CDH22: variants seen among roughly 807,000 people sequenced by gnomAD.
CDH22 encodes cadherin 22.
CDH22 carries 30 observed loss-of-function variants against 58.4 expected under a neutral mutation model. The ratio of observed to expected loss-of-function variants is 0.51; its 90% CI spans 0.38 to 0.70. The LOEUF is 0.70. CDH22 is among the 30% of genes least tolerant of loss of function. The probability of loss-of-function intolerance (pLI) is 0.00; values close to 1 mark genes in which losing one functional copy is unlikely to be tolerated. For missense variants in CDH22, 1,014 were observed against 1,233.9 expected (o/e 0.82, Z 2.67); for synonymous variants, 513 against 558.2 (o/e 0.92, Z 1.14).
rs761862351 is a variant in CDH22, at chr20:46,186,843, C to A, written c.1528G>T (p.Asp510Tyr). 4 of 1,607,030 alleles carry A rather than the reference C, an allele frequency of 2.5e-6. No individual in the cohort carries two copies. In the African/African-American group the frequency reaches 4.0e-5, roughly 16 times the overall value. ...ATPYEAAVCE[D>Y]AKPGQLIQTI... is the part of the protein sequence containing the mutation. ...AGGGGTACCTGGCCTGGCTTGGCATCCTCGCATACAGCTGCCTCGTAGGGT... is the reference window on the plus strand; with the variant it reads ...AGGGGTACCTGGCCTGGCTTGGCATACTCGCATACAGCTGCCTCGTAGGGT... Residue 510 changes from aspartate (D) to tyrosine (Y), a missense_variant, in exon 9 of 12, where the codon GAT becomes TAT. Asp to Tyr is a radical substitution (Grantham distance 160). This residue lies in a region of CDH22 where 806 missense variants were observed against 1,038.7 expected (regional missense o/e 0.78). Transcript: ENST00000537909.
intron 11 of CDH22, among the ~76,000 whole-genome samples, chr20:46,176,963 G>A (rs1204070536): frequency 1.3e-5 from 2 of 152,212 alleles, no homozygotes; most frequent in African/African-American, 2.4e-5. Flanking sequence ...GCACTGCCTC[G>A]GAAAATGAAA....
chr20:46,200,180 T>C (rs1026546894), intron 7 of CDH22, among the ~76,000 whole-genome samples: 2 of 151,660 alleles, frequency 1.3e-5, no homozygotes, highest in Non-Finnish European at 2.9e-5. Flanking sequence ...TTCACCGTGT[T>C]AGCCAGGATG....
chr20:46,272,236 G>A (rs115190167), intron 1 of CDH22, among the ~76,000 whole-genome samples: 3,469 of 152,306 alleles, frequency 0.023, 89 homozygotes, highest in African/African-American at 0.06. Context: ...ACACTGGATG[G>A]TGGTGTGATA....
intron 1 of CDH22, among the ~76,000 whole-genome samples, chr20:46,292,832 G>GGGTCT (rs2086610455): frequency 6.6e-6 from 1 of 152,060 alleles, no homozygotes; most frequent in Non-Finnish European, 1.5e-5. Context: ...TTGCTCCAGG[G>GGGTCT]GGTCTTTCTG....
chr20:46,260,259 C>T (rs576661644), intron 1 of CDH22, among the ~76,000 whole-genome samples: 1 of 152,170 alleles, frequency 6.6e-6, no homozygotes, highest in Non-Finnish European at 1.5e-5. Context: ...ATGAAGGGAA[C>T]AACACCAAGA....
rs1252314527 is a variant in CDH22, at chr20:46,173,804, A to C, written c.*702T>G. On this transcript the variant is annotated 3_prime_UTR_variant, in exon 12 of 12. Transcript: ENST00000537909. ...CCAGGCACTGTCCTAACCACTTGAC[A>C]CATATGAACCCTTTTTAGCCTCACA... 1 of 152,314 alleles carries C rather than the reference A, an allele frequency of 6.6e-6. No homozygotes were observed. Among genetic ancestry groups the C allele is most frequent in the Non-Finnish European group, 1.5e-5 (1 of 68,082 alleles). The allele number at this position is 152,314 out of a possible 1,614,324, so 9.4% of individuals were successfully genotyped here.
intron 4 of CDH22, among the ~76,000 whole-genome samples, chr20:46,218,976 C>G (rs1335724439): frequency 6.6e-6 from 1 of 152,178 alleles, no homozygotes; most frequent in Non-Finnish European, 1.5e-5. Context: ...CCCATAAAAC[C>G]CAAGCTCTGA....
chr20:46,217,037 G>A (rs200569623), intron 4 of CDH22, 44 bp from the exon 5 acceptor site: 2 of 1,555,754 alleles, frequency 1.3e-6, no homozygotes, highest in Non-Finnish European at 1.7e-6. Flanking sequence ...CACACCACCT[G>A]CCCACTGATG....
At chr20:46,255,083 G>A (rs993517679) in intron 1 of CDH22, among the ~76,000 whole-genome samples, 4 of 152,250 alleles carry the variant, frequency 2.6e-5, no homozygotes, top group Middle Eastern at 3.4e-3. Context: ...GTGCAGTGGC[G>A]TGATTTCGGC....
At chr20:46,199,193 A>G (rs553790644) in intron 8 of CDH22, among the ~76,000 whole-genome samples, 1 of 152,024 alleles carries the variant, frequency 6.6e-6, no homozygotes, top group Non-Finnish European at 1.5e-5. Flanking sequence ...TTGACTTGCA[A>G]CCCTGCTGGA....
Position 46,174,842 on chromosome 20 carries a change from G to GGCC in CDH22, c.2150_2151insGGC (p.Ala718dup). ...GGTGGGCCTGCGGGGGGCTGCCCGC[G>GGCC]CCCCCGCCCGAGCCCCCGCCCGCTC... On this transcript the variant is annotated inframe_insertion, in exon 12 of 12. Transcript: ENST00000537909. This position sits in a 1 kb window ranked among gnomAD's most constrained non-coding sequence, Gnocchi z 4.4. 2.3e-6 allele frequency: 3 copies of GGCC among 1,324,336 alleles called. No individual in the cohort carries two copies. The highest frequency in any genetic ancestry group is 3.8e-5 in the Admixed American group (1 of 26,264). 82.0% of individuals were successfully genotyped at this position (1,324,336 alleles called of 1,614,324 possible). A position where few individuals can be genotyped will look rare whatever the true frequency, so the allele number is the denominator to read the frequency against.
chr20:46,226,112 C>T (rs917847528), intron 4 of CDH22, among the ~76,000 whole-genome samples: 5 of 152,154 alleles, frequency 3.3e-5, no homozygotes, highest in South Asian at 2.1e-4. Flanking sequence ...ACCTGATTGC[C>T]GAAGCCTGAG....
intron 10 of CDH22, 114 bp from the exon 11 acceptor site, chr20:46,178,311 C>A: frequency 8.5e-7 from 1 of 1,173,608 alleles, no homozygotes; most frequent in East Asian, 2.5e-5. Flanking sequence ...AAACTACAGC[C>A]TCCCAATGGA....
chr20:46,260,398 C>T (rs1488917161), intron 1 of CDH22, among the ~76,000 whole-genome samples: 1 of 152,202 alleles, frequency 6.6e-6, no homozygotes, highest in Non-Finnish European at 1.5e-5. Context: ...CTCTCTTTCT[C>T]TTTTCTCTGA....
At chr20:46,305,804 C>T (rs994642248) in intron 1 of CDH22, among the ~76,000 whole-genome samples, 9 of 152,244 alleles carry the variant, frequency 5.9e-5, no homozygotes, top group South Asian at 2.1e-4. Context: ...CGGGAGGAGA[C>T]GGGCCCTCCT....
At chr20:46,250,278 G>A (rs1022733928) in intron 2 of CDH22, among the ~76,000 whole-genome samples, 1 of 152,156 alleles carries the variant, frequency 6.6e-6, no homozygotes, top group African/African-American at 2.4e-5. Flanking sequence ...TGGGGATTTC[G>A]CGGCGAGCAA....
rs2086645201 is a variant in CDH22 at position 46,300,220 on chromosome 20, C to CT, written c.-400+8034dup. Among the ~76,000 whole-genome samples, 1 of 152,148 alleles carries CT rather than the reference C, an allele frequency of 6.6e-6. No individual in the cohort carries two copies. Among genetic ancestry groups the CT allele is most frequent in the South Asian group, 2.1e-4 (1 of 4,822 alleles). ...ACGCAGGCCTTGGCAACCTCCTGGCCTGGGGGGTGGGCTGCCTCTCCCAGG... is the reference window on the plus strand; with the variant it reads ...ACGCAGGCCTTGGCAACCTCCTGGCCTTGGGGGGTGGGCTGCCTCTCCCAGG... On this transcript the variant is annotated intron_variant, in intron 1 of 11. Transcript: ENST00000537909. The surrounding 1 kb of genome is among the most constrained non-coding windows in gnomAD (Gnocchi z 4.4).
intron 1 of CDH22, among the ~76,000 whole-genome samples, chr20:46,282,464 G>A (rs76627482): frequency 0.012 from 1,852 of 152,112 alleles, 41 homozygotes; most frequent in African/African-American, 0.042. Flanking sequence ...AAAGGGAAAG[G>A]AAAAAATGCC....
chr20:46,186,605 G>T lies in CDH22; in HGVS notation c.1646C>A (p.Ser549Tyr). The T allele has an allele frequency of 1.2e-6, 2 of 1,611,732 alleles. No homozygotes were observed. Among genetic ancestry groups the T allele is most frequent in the South Asian group, 1.1e-5 (1 of 90,946 alleles). ...VPEAPSNPHFSLLDIQDNTAA... is the reference protein window; with the variant it reads ...VPEAPSNPHFYLLDIQDNTAA... Reference sequence around the variant, plus strand: ...AGGCTCACCTTGGATGTCAAGCAGAGAGAAATGAGGGTTGCTGGGAGCTTC... The same window carrying T: ...AGGCTCACCTTGGATGTCAAGCAGATAGAAATGAGGGTTGCTGGGAGCTTC... Residue 549 changes from serine (S) to tyrosine (Y), a missense_variant, in exon 10 of 12, where the codon TCT becomes TAT. Ser to Tyr is a moderately radical substitution (Grantham distance 144). This residue lies in a region of CDH22 where 806 missense variants were observed against 1,038.7 expected (regional missense o/e 0.78). Transcript: ENST00000537909.
Sources: gnomAD v4.1 joint callset for allele counts (sites outside exome capture counted in the v4.1 genomes callset) on GRCh38, gnomAD v4.1.1 for gene constraint, gnomAD v4.1.1 regional missense constraint, Gnocchi (gnomAD v3.1) non-coding constraint, MANE v1.5 for transcripts, NCBI Gene and HGNC (gene_info 2026-07-23, HGNC 2026-07-21) for gene names.